The following SULF2 variants were observed in gnomAD, a reference collection of about 807,000 sequenced individuals.
SULF2 encodes the protein extracellular sulfatase Sulf-2.
SULF2 carries 52 observed loss-of-function variants against 107.7 expected under a neutral mutation model. That is an observed-to-expected ratio of 0.48 (90% CI 0.39 to 0.61). The LOEUF (loss-of-function observed/expected upper bound fraction) is 0.61, where lower values mean the gene tolerates loss of function less well. Among genes scored for constraint, SULF2 ranks in the 20% least tolerant of loss-of-function variants. The probability of loss-of-function intolerance (pLI) is 0.00; values close to 1 mark genes in which losing one functional copy is unlikely to be tolerated. For missense variants in SULF2, 993 were observed against 1,177.3 expected (o/e 0.84, Z 2.29); for synonymous variants, 460 against 464.3 (o/e 0.99, Z 0.12).
At chr20:47,697,046 C>T (rs1457797555) in intron 4 of SULF2, among the ~76,000 whole-genome samples, 1 of 152,172 alleles carries the variant, frequency 6.6e-6, no homozygotes, top group East Asian at 1.9e-4. Flanking sequence ...ATAGAATCTG[C>T]CAGGTCGCCC....
At chr20:47,719,031 G>A (rs1225188291) in intron 3 of SULF2, among the ~76,000 whole-genome samples, 4 of 152,158 alleles carry the variant, frequency 2.6e-5, no homozygotes, top group Non-Finnish European at 5.9e-5. Context: ...CCTATAACTA[G>A]CATCCCCTTC....
chr20:47,747,655 G>T (rs1391651223), intron 2 of SULF2, among the ~76,000 whole-genome samples: 1 of 152,148 alleles, frequency 6.6e-6, no homozygotes, highest in African/African-American at 2.4e-5. Flanking sequence ...TTTCAGAAGG[G>T]GCTACGCAGA....
chr20:47,738,016 T>C (rs546980962), intron 2 of SULF2, among the ~76,000 whole-genome samples: 205 of 152,290 alleles, frequency 1.3e-3, no homozygotes, highest in Admixed American at 2.5e-3. Flanking sequence ...AGTGCTGTCA[T>C]TACAGTCATG....
Position 47,726,646 on chromosome 20 carries a change from T to C in SULF2, c.415+10057A>G, listed in dbSNP as rs1054278028. ...ACCTGAGAAACTGAAATGCTAATTG[T>C]AATTAACGTAAAGTTAAATAGCTCC... On this transcript the variant is annotated intron_variant, in intron 3 of 20. Coordinates refer to ENST00000688720, the MANE Select transcript of SULF2 (RefSeq NM_001387048.1). Among the ~76,000 whole-genome samples the C allele has an allele frequency of 8.5e-5, 13 of 152,246 alleles. No homozygotes were observed. In the East Asian group the frequency reaches 2.5e-3, roughly 29 times the overall value.
At chr20:47,672,889 G>A (rs889648245) in intron 10 of SULF2, among the ~76,000 whole-genome samples, 2 of 152,138 alleles carry the variant, frequency 1.3e-5, no homozygotes, top group Admixed American at 6.5e-5. Context: ...GGCGCTCACT[G>A]TTCCTTCTGC....
intron 3 of SULF2, among the ~76,000 whole-genome samples, chr20:47,715,483 C>T (rs1000248522): frequency 6.6e-6 from 1 of 152,122 alleles, no homozygotes; most frequent in African/African-American, 2.4e-5. Flanking sequence ...GTGACGAGAC[C>T]TCGATGAACG....
chr20:47,782,083 G>C (rs533553049), intron 1 of SULF2, among the ~76,000 whole-genome samples: 36 of 152,282 alleles, frequency 2.4e-4, no homozygotes, highest in African/African-American at 7.9e-4. Context: ...GCAAGAGAAA[G>C]GAACCTGATT....
intron 1 of SULF2, among the ~76,000 whole-genome samples, chr20:47,782,307 C>T (rs753962046): frequency 1.3e-5 from 2 of 152,226 alleles, no homozygotes; most frequent in Non-Finnish European, 2.9e-5. Context: ...AGCAACCACC[C>T]CAATTAGGCA....
intron 7 of SULF2, among the ~76,000 whole-genome samples, chr20:47,681,825 C>T (rs956355630): frequency 6.6e-6 from 1 of 152,182 alleles, no homozygotes; most frequent in East Asian, 1.9e-4. Flanking sequence ...GCTGGGATTA[C>T]AGGTGTACGC....
chr20:47,659,399 A>G lies in SULF2; in HGVS notation c.2582T>C (p.Leu861Pro). The G allele has an allele frequency of 6.2e-7, 1 of 1,614,064 alleles. No individual in the cohort carries two copies. The highest frequency in any genetic ancestry group is 1.3e-5 in the African/African-American group (1 of 75,056). Residue 861 changes from leucine to proline, a missense_variant and splice_region_variant, in exon 20 of 21, where the codon CTG becomes CCG. Leu to Pro is a moderately conservative substitution (Grantham distance 98). Around this residue, in one of 3 missense-constraint regions of SULF2, gnomAD observed 497 missense variants for 544.1 expected, o/e 0.91. Coordinates refer to ENST00000688720, the MANE Select transcript of SULF2 (RefSeq NM_001387048.1). ...PEMKRPSSKS[L>P]GQLWEGWEG is the part of the protein sequence containing the mutation. ...TTTGTAAGCTGGTTCCTCAACTCAC[A>G]GTGATTTGGAAGAAGGTCTCTTCAT...
At chr20:47,746,624 C>T (rs2090040956) in intron 2 of SULF2, among the ~76,000 whole-genome samples, 1 of 152,152 alleles carries the variant, frequency 6.6e-6, no homozygotes, top group Non-Finnish European at 1.5e-5. Context: ...GCCTGGGGCA[C>T]AAACAGCAGA....
At chr20:47,670,429 C>T (rs1048159113) in intron 11 of SULF2, among the ~76,000 whole-genome samples, 1 of 151,450 alleles carries the variant, frequency 6.6e-6, no homozygotes, top group Non-Finnish European at 1.5e-5. Flanking sequence ...TGAGCTCAGG[C>T]AATCCGCCTG....
intron 1 of SULF2, among the ~76,000 whole-genome samples, chr20:47,763,061 A>C (rs1300895920): frequency 1.3e-5 from 2 of 151,992 alleles, no homozygotes; most frequent in Non-Finnish European, 2.9e-5. Context: ...TCTTGGTAAA[A>C]TATTCAAAGT....
chr20:47,676,403 C>T, intron 10 of SULF2, 91 bp downstream of exon 10: 1 of 1,466,272 alleles, frequency 6.8e-7, no homozygotes, highest in Non-Finnish European at 9.1e-7. Flanking sequence ...AGGCCCTGGC[C>T]CTGCTGGCTC....
intron 3 of SULF2, among the ~76,000 whole-genome samples, chr20:47,729,917 G>GA (rs2089549213): frequency 6.6e-6 from 1 of 152,240 alleles, no homozygotes; most frequent in African/African-American, 2.4e-5. Flanking sequence ...CCGCTTTAGG[G>GA]AAAAAACAAG....
chr20:47,712,031 T>TAC (rs2146648806), intron 3 of SULF2, among the ~76,000 whole-genome samples: 1 of 152,298 alleles, frequency 6.6e-6, no homozygotes, highest in East Asian at 1.9e-4. Flanking sequence ...AAAGCACATA[T>TAC]ACACACATAC....
intron 5 of SULF2, 84 bp from the exon 6 acceptor site, chr20:47,684,665 C>T (rs1225563559): frequency 9.0e-6 from 13 of 1,444,002 alleles, no homozygotes; most frequent in East Asian, 2.4e-5. Flanking sequence ...CCCGGATGAG[C>T]AGCCACCCTG....
chr20:47,715,093 ATTTTTT>A (rs869126418), intron 3 of SULF2, among the ~76,000 whole-genome samples: 1 of 128,988 alleles, frequency 7.8e-6, no homozygotes, highest in Non-Finnish European at 1.7e-5. Context: ...TAACTTTTGT[ATTTTTT>A]TTTTTTTTTT....
At chr20:47,727,311 A>C (rs1021350646) in intron 3 of SULF2, among the ~76,000 whole-genome samples, 1 of 152,126 alleles carries the variant, frequency 6.6e-6, no homozygotes. Flanking sequence ...CACAGGGAGG[A>C]GGCCGCATGA....
Sources: allele counts gnomAD v4.1 joint callset (sites outside exome capture counted in the v4.1 genomes callset), GRCh38; gene constraint gnomAD v4.1.1; regional missense constraint gnomAD v4.1.1; transcripts MANE v1.5; gene names NCBI Gene and HGNC (gene_info 2026-07-23, HGNC 2026-07-21).